Variants in SORCS1 observed in about 807,000 individuals in gnomAD.
The protein encoded by SORCS1 is sortilin related VPS10 domain containing receptor 1.
In SORCS1, 60 loss-of-function variants were observed where a neutral mutation model predicts 146.1. The observed-to-expected ratio is 0.41, with a 90% CI of 0.33 to 0.51. The LOEUF (loss-of-function observed/expected upper bound fraction) is 0.51, where lower values mean the gene tolerates loss of function less well. Ranked by LOEUF, SORCS1 falls within the 20% of genes least tolerant of loss-of-function variation. The pLI is 0.21. For synonymous variants in SORCS1, 637 were observed against 584.0 expected (o/e 1.09, Z -1.31); for missense variants, 1,352 against 1,487.6 (o/e 0.91, Z 1.50).
At chr10:106,722,179 TTATA>T (rs969487173) in intron 6 of SORCS1, among the ~76,000 whole-genome samples, 1 of 144,120 alleles carries the variant, frequency 6.9e-6, no homozygotes, top group Non-Finnish European at 1.5e-5. Context: ...AGATAAGAGT[TTATA>T]TATATATATA....
chr10:107,007,962 T>C (rs1270752827), intron 1 of SORCS1, among the ~76,000 whole-genome samples: 2 of 151,996 alleles, frequency 1.3e-5, no homozygotes, highest in Non-Finnish European at 2.9e-5. Context: ...TTTCAGCTCC[T>C]CCCATGATAA....
Position 106,902,986 on chromosome 10 carries a change from G to A in SORCS1, c.626+53527C>T, listed in dbSNP as rs1456236815. On this transcript the variant is annotated intron_variant, in intron 2 of 25. Coordinates refer to ENST00000263054, the MANE Select transcript of SORCS1 (RefSeq NM_052918.5). The stretch of plus-strand genomic sequence containing the variant: ...CCAGCTACTCAGGAGGCTGAGTTAG[G>A]AGAATCGCTTGAACTCAGGAGGTGG... 1.3e-5 allele frequency among the ~76,000 whole-genome samples: 2 copies of A among 152,336 alleles called. 1 individual carries two copies.
chr10:106,815,993 ACTT>A (rs774864923), intron 3 of SORCS1, among the ~76,000 whole-genome samples: 3 of 152,242 alleles, frequency 2.0e-5, no homozygotes, highest in Non-Finnish European at 2.9e-5. Flanking sequence ...GCAAATCGGG[ACTT>A]CTTGTCTCAA....
chr10:106,914,755 C>T (rs529680129), intron 2 of SORCS1, among the ~76,000 whole-genome samples: 25 of 152,302 alleles, frequency 1.6e-4, no homozygotes, highest in South Asian at 4.2e-4. Context: ...AGGACTTATA[C>T]GAATGACTAG....
chr10:106,780,977 C>CTTTT, intron 3 of SORCS1, among the ~76,000 whole-genome samples: 1 of 146,160 alleles, frequency 6.8e-6, no homozygotes, highest in Admixed American at 6.8e-5. Context: ...GTCACTTCTC[C>CTTTT]TTTTTTTTTT....
At chr10:106,735,617 T>C (rs926366425) in intron 5 of SORCS1, among the ~76,000 whole-genome samples, 3 of 152,168 alleles carry the variant, frequency 2.0e-5, no homozygotes, top group African/African-American at 7.2e-5. Context: ...ACTGGGGCCC[T>C]AGCTCAAAGA....
intron 2 of SORCS1, among the ~76,000 whole-genome samples, chr10:106,936,259 C>T (rs1203828726): frequency 6.6e-6 from 1 of 152,162 alleles, no homozygotes; most frequent in Non-Finnish European, 1.5e-5. Context: ...ATCTCATGGG[C>T]ACTCAGTTGC....
chr10:106,783,795 T>G (rs144465024), intron 3 of SORCS1, among the ~76,000 whole-genome samples: 1 of 152,234 alleles, frequency 6.6e-6, no homozygotes, highest in Middle Eastern at 3.2e-3. Context: ...GATTGGATTT[T>G]ATGCTTTATC....
At chr10:106,663,472 A>G (rs1850890807) in intron 17 of SORCS1, among the ~76,000 whole-genome samples, 4 of 152,204 alleles carry the variant, frequency 2.6e-5, no homozygotes, top group Admixed American at 2.6e-4. Context: ...AACATATAAA[A>G]CATACACATT....
chr10:107,177,510 A>T, the SORCS1 span, among the ~76,000 whole-genome samples: 1 of 152,212 alleles, frequency 6.6e-6, no homozygotes, highest in African/African-American at 2.4e-5. Context: ...TAATAATTGC[A>T]TATATTTATA....
chr10:106,604,739 T>C (rs1564766607), intron 23 of SORCS1, among the ~76,000 whole-genome samples: 1 of 152,212 alleles, frequency 6.6e-6, no homozygotes, highest in Non-Finnish European at 1.5e-5. Flanking sequence ...TCTCTTCCAA[T>C]ACATGCCCTT....
chr10:106,722,296 A>T (rs1484880749), intron 6 of SORCS1, among the ~76,000 whole-genome samples: 1 of 152,124 alleles, frequency 6.6e-6, no homozygotes, highest in East Asian at 1.9e-4. Flanking sequence ...GAGAACTGAG[A>T]TCTCTATTAC....
rs368973279 is a variant in SORCS1 at position 106,611,988 on chromosome 10, T to C, written c.2956A>G (p.Asn986Asp). Residue 986 changes from asparagine to aspartate, a missense_variant, in exon 22 of 26, where the codon AAC becomes GAC. Asn to Asp is a conservative substitution (Grantham distance 23). Coordinates refer to ENST00000263054, the MANE Select transcript of SORCS1 (RefSeq NM_052918.5). ...FRSLRLSFSP[N>D]LDDYNPDIPE... ...ATGTCCGGGTTGTAGTCATCCAGGT[T>C]TGGAGAAAAGGACAAGCGAAGAGAC... The C allele has an allele frequency of 1.2e-5, 20 of 1,613,932 alleles. No homozygotes were observed. The highest frequency in any genetic ancestry group is 1.7e-5 in the Non-Finnish European group (20 of 1,179,990).
At chr10:106,798,120 G>A (rs1946670319) in intron 3 of SORCS1, among the ~76,000 whole-genome samples, 1 of 152,132 alleles carries the variant, frequency 6.6e-6, no homozygotes, top group Non-Finnish European at 1.5e-5. Flanking sequence ...TAGCGAATAA[G>A]TCTCACGAGA....
intron 1 of SORCS1, among the ~76,000 whole-genome samples, chr10:107,150,877 TC>T (rs748402142): frequency 6.6e-6 from 1 of 152,326 alleles, no homozygotes; most frequent in East Asian, 1.9e-4. Context: ...TCGTGAGGCC[TC>T]CCCAGCCATG....
At chr10:106,771,529 A>AT (rs1452212984) in intron 4 of SORCS1, among the ~76,000 whole-genome samples, 4 of 152,184 alleles carry the variant, frequency 2.6e-5, no homozygotes, top group Non-Finnish European at 5.9e-5. Context: ...AATGCAAAGA[A>AT]TTTTTTTAAA....
At chr10:106,596,143 A>C (rs1459749279) in intron 24 of SORCS1, among the ~76,000 whole-genome samples, 2 of 152,112 alleles carry the variant, frequency 1.3e-5, no homozygotes, top group Non-Finnish European at 2.9e-5. Context: ...AAAAAAATCC[A>C]AGTGCTTAAA....
chr10:106,847,975 T>A (rs2137228239), intron 2 of SORCS1, among the ~76,000 whole-genome samples: 1 of 149,828 alleles, frequency 6.7e-6, no homozygotes, highest in East Asian at 2.0e-4. Flanking sequence ...TCTGTTCTTT[T>A]ACATTTGCTG....
chr10:106,612,992 C>T (rs961500919), intron 21 of SORCS1, among the ~76,000 whole-genome samples: 20 of 151,206 alleles, frequency 1.3e-4, no homozygotes, highest in Admixed American at 1.3e-3. Flanking sequence ...CCCCGGCTCA[C>T]TACCCTCCCC....
Sources: allele counts gnomAD v4.1 joint callset (sites outside exome capture counted in the v4.1 genomes callset), GRCh38; gene constraint gnomAD v4.1.1; transcripts MANE v1.5; gene names NCBI Gene and HGNC (gene_info 2026-07-23, HGNC 2026-07-21).